The following HCN1 variants were observed in gnomAD, a reference collection of about 807,000 sequenced individuals.
The protein encoded by HCN1 is potassium/sodium hyperpolarization-activated cyclic nucleotide-gated channel 1.
HCN1 carries 13 observed loss-of-function variants against 78.9 expected under a neutral mutation model. That is an observed-to-expected ratio of 0.16 (90% CI 0.11 to 0.26). The LOEUF is 0.26. HCN1 is among the 10% of genes least tolerant of loss of function. The probability of loss-of-function intolerance (pLI) is 1.00; values close to 1 mark genes in which losing one functional copy is unlikely to be tolerated. For synonymous variants in HCN1, 552 were observed against 455.5 expected, an observed-to-expected ratio of 1.21 and a Z score of -2.70; for missense variants, 810 against 1,154.3, an observed-to-expected ratio of 0.70 and a Z score of 4.32.
At chr5:45,275,719 C>A (rs1445724990) in intron 6 of HCN1, among the ~76,000 whole-genome samples, 1 of 152,092 alleles carries the variant, frequency 6.6e-6, no homozygotes, top group Non-Finnish European at 1.5e-5. Context: ...AGGAAACAAT[C>A]TCAGGTAGCC....
intron 2 of HCN1, among the ~76,000 whole-genome samples, chr5:45,462,740 C>T (rs1205793948): frequency 6.6e-6 from 1 of 151,952 alleles, no homozygotes; most frequent in Non-Finnish European, 1.5e-5. Flanking sequence ...AAAACACAAA[C>T]ATTATGACAA....
chr5:45,658,578 C>T (rs1452309821), intron 1 of HCN1, among the ~76,000 whole-genome samples: 54 of 151,948 alleles, frequency 3.6e-4, no homozygotes, highest in African/African-American at 1.1e-3. Context: ...AGACAGTGGG[C>T]GCAGGCCAGT....
At chr5:45,370,654 A>G (rs1051296775) in intron 4 of HCN1, among the ~76,000 whole-genome samples, 1 of 152,126 alleles carries the variant, frequency 6.6e-6, no homozygotes, top group African/African-American at 2.4e-5. Context: ...ATAATTTATC[A>G]TATATGTGTG....
At chr5:45,631,499 A>G (rs1457797059) in intron 2 of HCN1, among the ~76,000 whole-genome samples, 1 of 152,104 alleles carries the variant, frequency 6.6e-6, no homozygotes, top group Non-Finnish European at 1.5e-5. Context: ...AGTGGGAGTG[A>G]CATATTATCA....
At chr5:45,422,896 TG>T (rs1207556142) in intron 3 of HCN1, among the ~76,000 whole-genome samples, 2 of 151,578 alleles carry the variant, frequency 1.3e-5, no homozygotes, top group Non-Finnish European at 2.9e-5. Flanking sequence ...TAGTAGGGAG[TG>T]GGGGATTAGG....
chr5:45,498,488 T>C (rs1008057748), intron 2 of HCN1, among the ~76,000 whole-genome samples: 4 of 152,182 alleles, frequency 2.6e-5, no homozygotes, highest in Admixed American at 6.6e-5. Context: ...TACATTCTTC[T>C]AACTTTTTTC....
Position 45,351,107 on chromosome 5 carries a change from G to A in HCN1, c.1377+1993C>T, listed in dbSNP as rs987427744. 6.9e-4 allele frequency among the ~76,000 whole-genome samples: 105 copies of A among 152,060 alleles called. No homozygotes were observed. The East Asian group carries it at 0.011, about 16-fold the overall frequency. ...AAAAGAACAAAGCTGGAGGCATCACGCTACCTGACTTCAAACTATACTACA... is the reference window on the plus strand; with the variant it reads ...AAAAGAACAAAGCTGGAGGCATCACACTACCTGACTTCAAACTATACTACA... On this transcript the variant is annotated intron_variant, in intron 5 of 7. Coordinates refer to ENST00000303230, the MANE Select transcript of HCN1 (RefSeq NM_021072.4).
intron 5 of HCN1, among the ~76,000 whole-genome samples, chr5:45,315,926 C>G (rs1745978819): frequency 6.6e-6 from 1 of 152,134 alleles, no homozygotes; most frequent in African/African-American, 2.4e-5. Flanking sequence ...TAATTAATAG[C>G]TTACCAACCA....
intron 5 of HCN1, among the ~76,000 whole-genome samples, chr5:45,345,538 A>G (rs1746684194): frequency 2.0e-5 from 3 of 152,178 alleles, no homozygotes; most frequent in Admixed American, 6.5e-5. Flanking sequence ...TAGATACCCT[A>G]AATTATTTCT....
chr5:45,574,958 A>C (rs553251969), intron 2 of HCN1: 5 of 152,420 alleles, frequency 3.3e-5, no homozygotes, highest in Admixed American at 1.3e-4. Context: ...TGCAGCCAGC[A>C]GAGTTTGGTT....
At chr5:45,580,854 C>A (rs1382520386) in intron 2 of HCN1, among the ~76,000 whole-genome samples, 1 of 152,150 alleles carries the variant, frequency 6.6e-6, no homozygotes, top group Non-Finnish European at 1.5e-5. Context: ...CATGTCCCTA[C>A]AAAGGACATG....
At chr5:45,673,717 A>G (rs1001716870) in intron 1 of HCN1, among the ~76,000 whole-genome samples, 1 of 151,642 alleles carries the variant, frequency 6.6e-6, no homozygotes, top group Non-Finnish European at 1.5e-5. Context: ...GTCTTCAAAT[A>G]AAGTTTTCTA....
chr5:45,658,884 C>A (rs1043129471), intron 1 of HCN1, among the ~76,000 whole-genome samples: 1 of 148,276 alleles, frequency 6.7e-6, no homozygotes, highest in African/African-American at 2.5e-5. Flanking sequence ...GGGAGGGGCG[C>A]CCGCCATTGC....
intron 2 of HCN1, among the ~76,000 whole-genome samples, chr5:45,553,743 C>T (rs1410364403): frequency 1.3e-5 from 2 of 151,966 alleles, no homozygotes; most frequent in East Asian, 3.9e-4. Flanking sequence ...TACCTAATAC[C>T]ACCTAAATGC....
intron 6 of HCN1, among the ~76,000 whole-genome samples, chr5:45,298,405 G>T (rs1049271803): frequency 6.6e-6 from 1 of 151,808 alleles, no homozygotes; most frequent in Non-Finnish European, 1.5e-5. Context: ...TTGAAGAAAT[G>T]AATAATTTTA....
chr5:45,481,339 C>A (rs2111675380), intron 2 of HCN1, among the ~76,000 whole-genome samples: 1 of 152,258 alleles, frequency 6.6e-6, no homozygotes, highest in South Asian at 2.1e-4. Flanking sequence ...ACTGATTCTT[C>A]TAATCTTGGT....
chr5:45,685,479 CGAG>C (rs1561244702), intron 1 of HCN1, among the ~76,000 whole-genome samples: 1 of 152,102 alleles, frequency 6.6e-6, no homozygotes, highest in Non-Finnish European at 1.5e-5. Flanking sequence ...TTTAGGAGGC[CGAG>C]CCGGGCGGAT....
At chr5:45,665,150 G>A (rs1397649525) in intron 1 of HCN1, among the ~76,000 whole-genome samples, 5 of 151,996 alleles carry the variant, frequency 3.3e-5, no homozygotes, top group African/African-American at 9.7e-5. Flanking sequence ...ACTTTGTAGG[G>A]ACATGGATGA....
At chr5:45,473,354 G>A (rs1246076894) in intron 2 of HCN1, among the ~76,000 whole-genome samples, 1 of 151,840 alleles carries the variant, frequency 6.6e-6, no homozygotes, top group Non-Finnish European at 1.5e-5. Flanking sequence ...CTCCAGTGCA[G>A]CTAGTTAAAA....
Sources: allele counts gnomAD v4.1 joint callset (sites outside exome capture counted in the v4.1 genomes callset), GRCh38; gene constraint gnomAD v4.1.1; transcripts MANE v1.5; gene names NCBI Gene and HGNC (gene_info 2026-07-23, HGNC 2026-07-21).